Variants in GFOD2 observed in about 807,000 individuals in gnomAD.
GFOD2 encodes glucose-fructose oxidoreductase domain-containing protein 2.
A neutral mutation model predicts 24.6 loss-of-function variants in GFOD2; 9 were observed. That is an observed-to-expected ratio of 0.37 (90% CI 0.22 to 0.64). The LOEUF (loss-of-function observed/expected upper bound fraction) is 0.64. Ranked by LOEUF, GFOD2 falls within the 30% of genes least tolerant of loss-of-function variation. The pLI is 0.65. For synonymous variants in GFOD2, 211 were observed against 224.8 expected (o/e 0.94, Z 0.55); for missense variants, 476 against 532.5 (o/e 0.89, Z 1.04).
intron 1 of GFOD2, among the ~76,000 whole-genome samples, chr16:67,686,153 C>T (rs956326882): frequency 9.2e-5 from 14 of 152,104 alleles, no homozygotes; most frequent in Admixed American, 5.9e-4. Context: ...TGGTGGCATG[C>T]GCTTGTTGTA....
At chr16:67,679,406 T>C (rs1298471810) in intron 2 of GFOD2, among the ~76,000 whole-genome samples, 4 of 151,756 alleles carry the variant, frequency 2.6e-5, no homozygotes, top group Non-Finnish European at 5.9e-5. Context: ...GCTAAGTTTT[T>C]TGTATTTTTA....
intron 2 of GFOD2, chr16:67,682,414 TAAG>T: frequency 3.0e-6 from 3 of 985,376 alleles, no homozygotes; most frequent in South Asian, 4.7e-5. Context: ...GTGACAGACT[TAAG>T]AAAACATTCA....
At chr16:67,715,400 G>C (rs1191836989) in intron 1 of GFOD2, among the ~76,000 whole-genome samples, 2 of 152,168 alleles carry the variant, frequency 1.3e-5, no homozygotes, top group Non-Finnish European at 2.9e-5. Context: ...ATCACCATGA[G>C]AGAAAATTTT....
intron 1 of GFOD2, among the ~76,000 whole-genome samples, chr16:67,712,869 A>C (rs1419897803): frequency 1.0e-5 from 1 of 98,000 alleles, no homozygotes; most frequent in African/African-American, 7.9e-5. Flanking sequence ...CATCCCATCT[A>C]GGAAGTGAGG....
chr16:67,714,826 G>A (rs1384905654), intron 1 of GFOD2, among the ~76,000 whole-genome samples: 1 of 152,148 alleles, frequency 6.6e-6, no homozygotes, highest in East Asian at 1.9e-4. Context: ...TAGAAAGGTG[G>A]CAGAGAGAGT....
intron 1 of GFOD2, among the ~76,000 whole-genome samples, chr16:67,701,599 G>C (rs2053402943): frequency 1.3e-5 from 2 of 152,214 alleles, no homozygotes; most frequent in African/African-American, 4.8e-5. Context: ...GTTGGAACTG[G>C]GGCTAAGTGT....
At chr16:67,699,118 G>C (rs965637693) in intron 1 of GFOD2, among the ~76,000 whole-genome samples, 1 of 152,088 alleles carries the variant, frequency 6.6e-6, no homozygotes, top group Admixed American at 6.5e-5. Context: ...CAAGGCGGGC[G>C]GATCATGAGG....
At chr16:67,690,334 G>T (rs2053301736) in intron 1 of GFOD2, among the ~76,000 whole-genome samples, 1 of 151,420 alleles carries the variant, frequency 6.6e-6, no homozygotes. Context: ...ACCAACCCTT[G>T]TTATTTTCTG....
intron 2 of GFOD2, chr16:67,681,654 C>T: frequency 1.2e-6 from 1 of 864,728 alleles, no homozygotes; most frequent in Non-Finnish European, 1.4e-6. Flanking sequence ...AAGCGATCTG[C>T]CCACCTTGGC....
intron 1 of GFOD2, among the ~76,000 whole-genome samples, chr16:67,698,473 A>AT (rs1024380712): frequency 1.3e-5 from 2 of 151,732 alleles, no homozygotes; most frequent in Non-Finnish European, 2.9e-5. Flanking sequence ...GAACCATTGG[A>AT]TTTTTTTTCT....
At chr16:67,680,991 G>C (rs928329068) in intron 2 of GFOD2, 31 of 985,332 alleles carry the variant, frequency 3.1e-5, no homozygotes, top group Non-Finnish European at 3.7e-5. Context: ...GCCCTTGCAC[G>C]GGGCCCGGCA....
intron 1 of GFOD2, among the ~76,000 whole-genome samples, chr16:67,715,906 G>A (rs1298554009): frequency 1.3e-5 from 2 of 152,138 alleles, no homozygotes; most frequent in Non-Finnish European, 2.9e-5. Context: ...TACTCAGGAG[G>A]CTGAGGTGGG....
intron 2 of GFOD2, chr16:67,677,933 G>A (rs1238531389): frequency 6.6e-6 from 1 of 152,238 alleles, no homozygotes; most frequent in African/African-American, 2.4e-5. Context: ...CCTTCTCCAG[G>A]TATGTGCATC....
At chr16:67,679,077 C>T (rs920905544) in intron 2 of GFOD2, among the ~76,000 whole-genome samples, 4 of 152,120 alleles carry the variant, frequency 2.6e-5, no homozygotes, top group Admixed American at 6.6e-5. Context: ...TGAGGTAGGA[C>T]GATCCCTTGA....
In GFOD2 at chr16:67,692,729, T is replaced by TA. The variant is rs746077184; in HGVS notation, c.-87-6928dup. On this transcript the variant is annotated intron_variant, in intron 1 of 2. Coordinates refer to ENST00000268797, the MANE Select transcript of GFOD2 (RefSeq NM_030819.4). ...AGAAAGGGGATAAAGGGGAATAATT[T>TA]AAAAAAAAAAAAAAAGGCCGGGCAC... 1.2e-3 allele frequency among the ~76,000 whole-genome samples: 159 copies of TA among 128,494 alleles called. 1 individual carries two copies. Among genetic ancestry groups the TA allele is most frequent in the East Asian group, 1.8e-3 (8 of 4,512 alleles). The allele number at this position is 128,494 out of a possible 152,430, so 84.3% of individuals were successfully genotyped here. A position where few individuals can be genotyped will look rare whatever the true frequency, so the allele number is the denominator to read the frequency against.
chr16:67,685,972 T>C (rs1023625529), intron 1 of GFOD2, among the ~76,000 whole-genome samples, 170 bp from the exon 2 acceptor site: 1 of 151,868 alleles, frequency 6.6e-6, no homozygotes, highest in Admixed American at 6.6e-5. Context: ...AAAGCACAAA[T>C]GAAATAGGGC....
At chr16:67,705,076 G>A (rs1340654165) in intron 1 of GFOD2, among the ~76,000 whole-genome samples, 1 of 152,182 alleles carries the variant, frequency 6.6e-6, no homozygotes. Context: ...CCCTGCACAT[G>A]GTCCTTCCAG....
At position 67,699,069 on chromosome 16, in the gene GFOD2, G is replaced by A. The variant is rs57139833; in HGVS notation, c.-87-13267C>T. On this transcript the variant is annotated intron_variant, in intron 1 of 2. Transcript: ENST00000268797. ...ATTAAATCTAGCAATGTGGCTGGGC[G>A]TGGTGGCTCACACCTGTAATCCCAG... 5.0e-3 allele frequency among the ~76,000 whole-genome samples: 760 copies of A among 152,282 alleles called. 8 individuals carry two copies. The highest frequency in any genetic ancestry group is 0.017 in the African/African-American group (718 of 41,536).
rs188801592 is a variant in GFOD2 at position 67,699,594 on chromosome 16, G to C, written c.-87-13792C>G. On this transcript the variant is annotated intron_variant, in intron 1 of 2. Coordinates refer to ENST00000268797, the MANE Select transcript of GFOD2 (RefSeq NM_030819.4). ...CGCCTCCTGGGTTCAGGTGATTCTC[G>C]TGCCTCAGCCACCCGAGCAGCTGGG... Among the ~76,000 whole-genome samples the C allele has an allele frequency of 1.2e-3, 183 of 151,874 alleles. 2 individuals are homozygous for C. The highest frequency in any genetic ancestry group is 3.8e-3 in the African/African-American group (157 of 41,438).
Sources: gnomAD v4.1 joint callset for allele counts (sites outside exome capture counted in the v4.1 genomes callset) on GRCh38, gnomAD v4.1.1 for gene constraint, MANE v1.5 for transcripts, NCBI Gene and HGNC (gene_info 2026-07-23, HGNC 2026-07-21) for gene names.